SH3RF3: variants seen among roughly 807,000 people sequenced by gnomAD.
SH3RF3 encodes the protein E3 ubiquitin-protein ligase SH3RF3.
Under a neutral mutation model 66.3 loss-of-function variants are expected in SH3RF3, and 29 were observed. That is an observed-to-expected ratio of 0.44 (90% CI 0.33 to 0.60). SH3RF3 has a LOEUF of 0.60. SH3RF3 is among the 20% of genes least tolerant of loss of function. The pLI is 0.04. For synonymous variants in SH3RF3, 583 were observed against 532.0 expected, an observed-to-expected ratio of 1.10 and a Z score of -1.32; for missense variants, 1,194 against 1,190.9, an observed-to-expected ratio of 1.00 and a Z score of -0.04.
At chr2:109,432,745 T>C in intron 6 of SH3RF3, 74 bp downstream of exon 6, 1 of 1,516,104 alleles carries the variant, frequency 6.6e-7, no homozygotes. Flanking sequence ...TTGTTACTGC[T>C]GGAGGCTACT....
At chr2:109,386,127 TGAAA>T (rs1675816817) in intron 3 of SH3RF3, among the ~76,000 whole-genome samples, 1 of 152,176 alleles carries the variant, frequency 6.6e-6, no homozygotes, top group South Asian at 2.1e-4. Context: ...GCATAGACCT[TGAAA>T]GAGAGGGTCA....
intron 1 of SH3RF3, among the ~76,000 whole-genome samples, chr2:109,269,549 G>GTCT (rs1048456231): frequency 6.4e-4 from 97 of 152,310 alleles, no homozygotes; most frequent in African/African-American, 2.2e-3. Context: ...GGGAGGCCAA[G>GTCT]TCTGGTGGAT....
At chr2:109,176,955 G>A (rs1444534748) in intron 1 of SH3RF3, among the ~76,000 whole-genome samples, 2 of 152,160 alleles carry the variant, frequency 1.3e-5, no homozygotes, top group Admixed American at 1.3e-4. Flanking sequence ...GGGAGATTTG[G>A]CATTTTAGGT....
Position 109,413,681 on chromosome 2 carries a change from C to T in SH3RF3, c.1300-5858C>T, listed in dbSNP as rs935483298. 5.9e-5 allele frequency among the ~76,000 whole-genome samples: 9 copies of T among 152,186 alleles called. 1 individual carries two copies. The highest frequency in any genetic ancestry group is 2.0e-4 in the Admixed American group (3 of 15,274). On this transcript the variant is annotated intron_variant, in intron 4 of 9. Coordinates refer to ENST00000309415, the MANE Select transcript of SH3RF3 (RefSeq NM_001099289.3). The stretch of plus-strand genomic sequence containing the variant: ...CCCTATTCTGTGCTCTGGGGCAGCA[C>T]GCCTGCCCCCACCAGCCCTCCACAC...
At chr2:109,403,057 G>C (rs927738487) in intron 4 of SH3RF3, among the ~76,000 whole-genome samples, 3 of 152,308 alleles carry the variant, frequency 2.0e-5, no homozygotes, top group Middle Eastern at 3.4e-3. Flanking sequence ...AGGGGCTCTC[G>C]CTGTAATGGA....
chr2:109,421,111 T>C (rs1676864466), intron 5 of SH3RF3, among the ~76,000 whole-genome samples: 3 of 152,132 alleles, frequency 2.0e-5, no homozygotes, highest in African/African-American at 7.2e-5. Flanking sequence ...AGGAGGCACA[T>C]GGAAAAGTGG....
chr2:109,228,477 T>A (rs1463417128), intron 1 of SH3RF3, among the ~76,000 whole-genome samples: 1 of 152,162 alleles, frequency 6.6e-6, no homozygotes, highest in Admixed American at 6.5e-5. Context: ...ACCAAGCAAT[T>A]CTCCAGTTGT....
chr2:109,182,726 A>G (rs1178854963), intron 1 of SH3RF3, among the ~76,000 whole-genome samples: 4 of 152,224 alleles, frequency 2.6e-5, no homozygotes, highest in African/African-American at 4.8e-5. Flanking sequence ...AGTGGTCTAC[A>G]TATAAAGTAA....
intron 1 of SH3RF3, among the ~76,000 whole-genome samples, chr2:109,283,416 T>A (rs556329132): frequency 1.3e-5 from 2 of 152,268 alleles, no homozygotes; most frequent in African/African-American, 4.8e-5. Flanking sequence ...AGTATTGAGC[T>A]CACAGAGGGA....
At chr2:109,392,035 C>G (rs780687429) in intron 3 of SH3RF3, among the ~76,000 whole-genome samples, 1 of 151,990 alleles carries the variant, frequency 6.6e-6, no homozygotes, top group Admixed American at 6.5e-5. Flanking sequence ...AGGCTGATCT[C>G]GAACTCCTGG....
chr2:109,398,881 G>A lies in SH3RF3; in HGVS notation c.1237G>A (p.Asp413Asn), dbSNP rs754445900. The stretch of plus-strand genomic sequence containing the variant: ...TGCTCCAGTGTTGATCAGCTCCAGC[G>A]ATCCCCGAGCCGCGGCCAGGATTGG... ...ISAPVLISSS[D>N]PRAAARIGDL... The change falls in exon 4 of 10, where the codon GAT becomes AAT. Residue 413 changes from aspartate (D) to asparagine (N), a missense_variant. Physicochemically the swap from Asp to Asn is conservative, Grantham distance 23. Transcript: ENST00000309415. 6.2e-6 allele frequency: 10 copies of A among 1,613,664 alleles called. No individual in the cohort carries two copies. The highest frequency in any genetic ancestry group is 4.5e-5 in the East Asian group (2 of 44,890).
intron 6 of SH3RF3, 83 bp downstream of exon 6, chr2:109,432,754 C>T: frequency 1.3e-6 from 2 of 1,490,830 alleles, no homozygotes; most frequent in South Asian, 1.4e-5. Context: ...CTGGAGGCTA[C>T]TCTGTCAGCC....
intron 1 of SH3RF3, among the ~76,000 whole-genome samples, chr2:109,296,835 C>A (rs1172095350): frequency 6.6e-6 from 1 of 152,140 alleles, no homozygotes; most frequent in Non-Finnish European, 1.5e-5. Context: ...CTGCCAGTGG[C>A]CCCCAAGGCG....
intron 1 of SH3RF3, among the ~76,000 whole-genome samples, chr2:109,171,984 G>C (rs1270419043): frequency 1.3e-5 from 2 of 152,242 alleles, no homozygotes; most frequent in Non-Finnish European, 2.9e-5. Flanking sequence ...GTGATTCTCA[G>C]CTGAGTCGCC....
intron 1 of SH3RF3, among the ~76,000 whole-genome samples, chr2:109,299,473 T>C (rs1681403991): frequency 6.6e-6 from 1 of 151,816 alleles, no homozygotes. Flanking sequence ...CCAGGGCCTT[T>C]TGAAGCAGGG....
intron 1 of SH3RF3, among the ~76,000 whole-genome samples, chr2:109,282,896 G>T (rs1326637550): frequency 6.6e-6 from 1 of 152,126 alleles, no homozygotes; most frequent in Non-Finnish European, 1.5e-5. Context: ...GGCCCCTGTA[G>T]ACTCAGGTGA....
At chr2:109,305,589 A>G (rs1681572769) in intron 1 of SH3RF3, among the ~76,000 whole-genome samples, 1 of 152,182 alleles carries the variant, frequency 6.6e-6, no homozygotes, top group Non-Finnish European at 1.5e-5. Flanking sequence ...AGTCTCAGCT[A>G]AGCTAAGGGA....
At position 109,378,889 on chromosome 2, in the gene SH3RF3, T is replaced by C. The variant is rs556990659; in HGVS notation, c.945+7208T>C. 2.7e-3 allele frequency among the ~76,000 whole-genome samples: 417 copies of C among 152,340 alleles called. 1 individual carries two copies. Among genetic ancestry groups the C allele is most frequent in the Non-Finnish European group, 3.6e-3 (243 of 68,034 alleles). On this transcript the variant is annotated intron_variant, in intron 3 of 9. Coordinates refer to ENST00000309415, the MANE Select transcript of SH3RF3 (RefSeq NM_001099289.3). The stretch of plus-strand genomic sequence containing the variant: ...GGATAGTTCCCTCATATGAATGCCC[T>C]GATCAGCTCTCAGCTGAAGACTCCA...
intron 6 of SH3RF3, among the ~76,000 whole-genome samples, chr2:109,435,683 G>A (rs768516038): frequency 6.6e-6 from 1 of 152,252 alleles, no homozygotes; most frequent in Non-Finnish European, 1.5e-5. Flanking sequence ...ATGAGAGGCA[G>A]ATGTGTGTCT....
Sources: gnomAD v4.1 joint callset for allele counts (sites outside exome capture counted in the v4.1 genomes callset) on GRCh38, gnomAD v4.1.1 for gene constraint, MANE v1.5 for transcripts, NCBI Gene and HGNC (gene_info 2026-07-23, HGNC 2026-07-21) for gene names.